The following CADM3 variants were observed in gnomAD, a reference collection of about 807,000 sequenced individuals.
CADM3 encodes the protein TSLC1-like 1.
A neutral mutation model predicts 44.9 loss-of-function variants in CADM3; 11 were observed. That is an observed-to-expected ratio of 0.25 (90% confidence interval 0.15 to 0.41). CADM3 has a LOEUF of 0.41. CADM3 is among the 10% of genes least tolerant of loss of function. CADM3 has a pLI of 1.00. For synonymous variants in CADM3, 207 were observed against 205.2 expected, an observed-to-expected ratio of 1.01 and a Z score of -0.08; for missense variants, 426 against 512.0, an observed-to-expected ratio of 0.83 and a Z score of 1.62.
chr1:159,200,672 G>A (rs1343552984), intron 8 of CADM3, 132 bp from the exon 9 acceptor site: 3 of 618,096 alleles, frequency 4.9e-6, no homozygotes, highest in Admixed American at 2.8e-5. Flanking sequence ...AGGTAAGGTG[G>A]AGTAGAAGAG....
chr1:159,199,333 G>A (rs1650046025), intron 7 of CADM3, among the ~76,000 whole-genome samples: 1 of 150,560 alleles, frequency 6.6e-6, no homozygotes, highest in Non-Finnish European at 1.5e-5. Context: ...GAAGGAAACA[G>A]GGCAGGAGGA....
Position 159,200,819 on chromosome 1 carries a change from A to G in CADM3, c.1094A>G (p.His365Arg). ...LIRHKGTYLT[H>R]EAKGSDDAPD... ...CTCTACACAGGAACCTACCTGACAC[A>G]TGAGGCAAAAGGCTCCGACGATGCT... The change falls in exon 9 of 9, where the codon CAT (histidine) becomes CGT (arginine). Residue 365 changes from histidine (H) to arginine (R), a missense_variant. This residue lies in a region of CADM3 where 362 missense variants were observed against 474.6 expected (regional missense o/e 0.76). Coordinates refer to ENST00000368125, the MANE Select transcript of CADM3 (RefSeq NM_001127173.3). 6.2e-7 allele frequency: 1 copy of G among 1,607,064 alleles called. No homozygotes were observed. Among genetic ancestry groups the G allele is most frequent in the Non-Finnish European group, 8.5e-7 (1 of 1,176,432 alleles).
At chr1:159,178,610 C>G (rs1019094330) in intron 1 of CADM3, 1 of 152,148 alleles carries the variant, frequency 6.6e-6, no homozygotes, top group East Asian at 1.9e-4. Flanking sequence ...TTATAACCAC[C>G]TTGTACAAAA....
intron 1 of CADM3, among the ~76,000 whole-genome samples, chr1:159,177,034 GA>G (rs1234900653): frequency 6.6e-6 from 1 of 152,072 alleles, no homozygotes. Context: ...TACCCTACCT[GA>G]CGAAAATACA....
chr1:159,193,935 TTCCAGGTTA>T lies in CADM3; in HGVS notation c.587_595del (p.Phe196_Thr199delinsSer). On this transcript the variant is annotated inframe_deletion, in exon 5 of 9. Coordinates refer to ENST00000368125, the MANE Select transcript of CADM3 (RefSeq NM_001127173.3). Reference sequence around the variant, plus strand: ...CTTCACTGTCAGCAGCTCGGTGACATTCCAGGTTACCCGGGAGGATGATGGGGCGAGCAT... The same window carrying T: ...CTTCACTGTCAGCAGCTCGGTGACATCCCGGGAGGATGATGGGGCGAGCAT... 1 of 1,614,172 alleles carries T rather than the reference TTCCAGGTTA, an allele frequency of 6.2e-7. No individual in the cohort carries two copies. The highest frequency in any genetic ancestry group is 8.5e-7 in the Non-Finnish European group (1 of 1,180,012).
intron 1 of CADM3, among the ~76,000 whole-genome samples, chr1:159,186,837 T>C (rs1649438993): frequency 6.6e-6 from 1 of 152,182 alleles, no homozygotes; most frequent in Admixed American, 6.5e-5. Context: ...AGCCACCTCT[T>C]ACACAGTTTC....
chr1:159,193,566 T>C lies in CADM3; in HGVS notation c.520+6T>C. On this transcript the variant is annotated splice_donor_region_variant and intron_variant, in intron 4 of 8. Transcript: ENST00000368125. ...GGGTGACCAAGAACTCCACGGTGAG[T>C]ACCTCCTGCCTTGGGGTTACAGGAG... is the stretch of plus-strand genomic sequence containing the variant. 6.2e-7 allele frequency: 1 copy of C among 1,614,030 alleles called. No homozygotes were observed. The highest frequency in any genetic ancestry group is 8.5e-7 in the Non-Finnish European group (1 of 1,179,994).
intron 5 of CADM3, chr1:159,194,305 T>C: frequency 3.0e-6 from 1 of 337,052 alleles, no homozygotes; most frequent in Non-Finnish European, 5.4e-6. Context: ...ATAGACAATA[T>C]GTAAACAAAC....
rs1650247090 is a variant in CADM3, at chr1:159,202,152, G to A, written c.*1230G>A. On this transcript the variant is annotated 3_prime_UTR_variant, in exon 9 of 9. Transcript: ENST00000368125. ...GGCAGAGCGAGGAACTGAGGAGGAGGGCTAAGAGCCAGGGGTCCTGGGCAA... is the reference window on the plus strand; with the variant it reads ...GGCAGAGCGAGGAACTGAGGAGGAGAGCTAAGAGCCAGGGGTCCTGGGCAA... 1 of 154,052 alleles carries A rather than the reference G, an allele frequency of 6.5e-6. No homozygotes were observed. The highest frequency in any genetic ancestry group is 6.5e-5 in the Admixed American group (1 of 15,288). The allele number at this position is 154,052 out of a possible 1,614,324, so 9.5% of individuals were successfully genotyped here.
Position 159,197,069 on chromosome 1 carries a change from T to G in CADM3, c.952+9T>G, listed in dbSNP as rs200434362. Reference sequence around the variant, plus strand: ...CACCCTCAATGTTAATGGTAAGCCCTCCTCAGTTCTCTTCCTCCAGAATCT... The same window carrying G: ...CACCCTCAATGTTAATGGTAAGCCCGCCTCAGTTCTCTTCCTCCAGAATCT... On this transcript the variant is annotated intron_variant, in intron 7 of 8. Coordinates refer to ENST00000368125, the MANE Select transcript of CADM3 (RefSeq NM_001127173.3). The G allele has an allele frequency of 6.2e-7, 1 of 1,612,026 alleles. No homozygotes were observed. The highest frequency in any genetic ancestry group is 8.5e-7 in the Non-Finnish European group (1 of 1,178,398).
At position 159,192,723 on chromosome 1, in the gene CADM3, T is replaced by C. The variant is rs753491750; in HGVS notation, c.375T>C (p.Thr125=). The C allele has an allele frequency of 5.6e-6, 9 of 1,611,914 alleles. No individual in the cohort carries two copies. Among genetic ancestry groups the C allele is most frequent in the Non-Finnish European group, 6.8e-6 (8 of 1,178,702 alleles). The change falls in exon 3 of 9, where the codon ACT becomes ACC. Residue 125 remains threonine (T), a synonymous_variant. Coordinates refer to ENST00000368125, the MANE Select transcript of CADM3 (RefSeq NM_001127173.3). ...MPVRTAKSLV[T]VLGIPQKPII... is the part of the protein sequence containing the mutation. ...TGCGAACTGCCAAGTCCCTCGTCAC[T>C]GTGCTAGGTGAGACTCCCAAACCCC...
chr1:159,171,647 C>A lies in CADM3; in HGVS notation c.-119C>A. The A allele has an allele frequency of 2.9e-6, 2 of 686,930 alleles. No individual in the cohort carries two copies. The highest frequency in any genetic ancestry group is 2.0e-6 in the Non-Finnish European group (1 of 491,124). The allele number at this position is 686,930 out of a possible 1,614,324, so 42.6% of individuals were successfully genotyped here. On this transcript the variant is annotated 5_prime_UTR_variant, in exon 1 of 9. Coordinates refer to ENST00000368125, the MANE Select transcript of CADM3 (RefSeq NM_001127173.3). ...TCCCGGTCCCCACCTCGGCCCCGGG[C>A]TCCGAAGCGGCTCGGGGGCGCCCTT...
At chr1:159,200,307 T>C (rs1287158993) in intron 8 of CADM3, among the ~76,000 whole-genome samples, 1 of 152,170 alleles carries the variant, frequency 6.6e-6, no homozygotes, top group African/African-American at 2.4e-5. Flanking sequence ...ACCTTCTCTC[T>C]TATATCCATG....
chr1:159,196,670 G>T, intron 6 of CADM3: 1 of 637,792 alleles, frequency 1.6e-6, no homozygotes. Context: ...TTCCCACAAA[G>T]GCCAAGTTAA....
intron 7 of CADM3, among the ~76,000 whole-genome samples, chr1:159,199,421 G>A (rs862998): frequency 0.39 from 59,216 of 150,526 alleles, 11,904 homozygotes; most frequent in East Asian, 0.6. Flanking sequence ...AGGAAGGAAG[G>A]AAGGAAGAAA....
chr1:159,194,178 C>A, intron 5 of CADM3, 138 bp downstream of exon 5: 1 of 949,580 alleles, frequency 1.1e-6, no homozygotes, highest in South Asian at 1.8e-5. Flanking sequence ...ACTGCCAGGA[C>A]TAGGCCAGGG....
chr1:159,201,834 A>G lies in CADM3; in HGVS notation c.*912A>G, dbSNP rs1390352133. ...CCCCCCTGAGGGGCCCCTCACTCTT[A>G]CCCAAGACTCTGGATTGTTGCACGG... is the stretch of plus-strand genomic sequence containing the variant. On this transcript the variant is annotated 3_prime_UTR_variant, in exon 9 of 9. Transcript: ENST00000368125. 2 of 152,420 alleles carry G rather than the reference A, an allele frequency of 1.3e-5. No homozygotes were observed. The highest frequency in any genetic ancestry group is 4.8e-5 in the African/African-American group (2 of 41,298). The allele number at this position is 152,420 out of a possible 1,614,324, so 9.4% of individuals were successfully genotyped here. A position where few individuals can be genotyped will look rare whatever the true frequency, so the allele number is the denominator to read the frequency against.
At chr1:159,200,130 G>A (rs1175925569) in intron 8 of CADM3, among the ~76,000 whole-genome samples, 2 of 152,260 alleles carry the variant, frequency 1.3e-5, no homozygotes, top group African/African-American at 2.4e-5. Flanking sequence ...CTCAGTCAGC[G>A]GTTGCTCCCA....
chr1:159,180,837 T>G (rs1285616817), intron 1 of CADM3, among the ~76,000 whole-genome samples: 4 of 152,130 alleles, frequency 2.6e-5, no homozygotes, highest in African/African-American at 9.7e-5. Flanking sequence ...CAAATTAAAC[T>G]TTTCCACAGC....
Sources: gnomAD v4.1 joint callset for allele counts (sites outside exome capture counted in the v4.1 genomes callset) on GRCh38, gnomAD v4.1.1 for gene constraint, gnomAD v4.1.1 regional missense constraint, MANE v1.5 for transcripts, NCBI Gene and HGNC (gene_info 2026-07-23, HGNC 2026-07-21) for gene names.